Variants in IL3RA observed in about 807,000 individuals in gnomAD.
IL3RA encodes interleukin 3 receptor subunit alpha, also known as interleukin-3 receptor subunit alpha.
Under a neutral mutation model 52.3 loss-of-function variants are expected in IL3RA, and 73 were observed. The observed-to-expected ratio is 1.40, with a 90% CI of 1.16 to 1.70. The LOEUF is 1.70. Ranked by LOEUF, IL3RA falls within the 40% of genes most tolerant of loss-of-function variation. IL3RA has a pLI of 0.00. For synonymous variants in IL3RA, 260 were observed against 194.0 expected (o/e 1.34, Z -2.83); for missense variants, 664 against 504.4 (o/e 1.32, Z -3.03).
intron 8 of IL3RA, among the ~76,000 whole-genome samples, chrX:1,361,695 G>T (rs1158997443): frequency 1.4e-5 from 2 of 146,748 alleles, no homozygotes; most frequent in Non-Finnish European, 3.0e-5. Context: ...AGAGGTTGCA[G>T]TGAGTTGAGA....
intron 4 of IL3RA, among the ~76,000 whole-genome samples, chrX:1,350,672 T>C (rs9803556): frequency 0.75 from 88,878 of 118,958 alleles, 34,850 homozygotes; most frequent in Middle Eastern, 0.85. Flanking sequence ...GAGGCCGAGG[T>C]GGGTGGATCG....
At chrX:1,377,340 A>G (rs1163736943) in intron 9 of IL3RA, among the ~76,000 whole-genome samples, 1 of 151,814 alleles carries the variant, frequency 6.6e-6, no homozygotes, top group Non-Finnish European at 1.5e-5. Context: ...TCGCAGGTTC[A>G]GGCCATTCTC....
rs2148967761 is a variant in IL3RA at position 1,352,423 on chromosome X, A to G, written c.533A>G (p.Gln178Arg). ...ATCTCTCGACTCTCCAGCGGTTCTC[A>G]AAGTTCCCACATCCTGGTGCGGGGC... is the stretch of plus-strand genomic sequence containing the variant. Reference protein sequence around the residue: ...DDISRLSSGSQSSHILVRGRS... With the variant: ...DDISRLSSGSRSSHILVRGRS... Residue 178 changes from glutamine (Q) to arginine (R), a missense_variant, in exon 6 of 12, where the codon CAA becomes CGA. By Grantham distance (43) the Gln-to-Arg change is conservative. Coordinates refer to ENST00000331035, the MANE Select transcript of IL3RA (RefSeq NM_002183.4). 1 of 1,613,730 alleles carries G rather than the reference A, an allele frequency of 6.2e-7. No homozygotes were observed. The highest frequency in any genetic ancestry group is 8.5e-7 in the Non-Finnish European group (1 of 1,179,748).
intron 9 of IL3RA, among the ~76,000 whole-genome samples, chrX:1,367,494 C>G (rs867959317): frequency 3.1e-3 from 44 of 14,400 alleles, no homozygotes; most frequent in Admixed American, 5.1e-3. Flanking sequence ...CGGGGTGAGC[C>G]GGGTGCGCGG....
intron 9 of IL3RA, among the ~76,000 whole-genome samples, chrX:1,366,595 C>CGG (rs1556637590): frequency 5.2e-5 from 1 of 19,244 alleles, no homozygotes; most frequent in Non-Finnish European, 7.6e-5. Context: ...GCGGGGTGCG[C>CGG]GGTGCGCGGG....
intron 2 of IL3RA, among the ~76,000 whole-genome samples, chrX:1,344,702 G>C (rs1431232239): frequency 1.3e-5 from 2 of 151,670 alleles, no homozygotes; most frequent in Non-Finnish European, 2.9e-5. Context: ...GAACCCGGGA[G>C]GTAGAGGTTG....
chrX:1,348,913 T>C (rs2085947807), intron 4 of IL3RA, among the ~76,000 whole-genome samples: 2 of 139,708 alleles, frequency 1.4e-5, no homozygotes, highest in Admixed American at 7.4e-5. Context: ...CTCACTCCCT[T>C]CCTTCCTTCT....
At chrX:1,381,632 A>T (rs1385073246) in intron 11 of IL3RA, among the ~76,000 whole-genome samples, 1 of 148,372 alleles carries the variant, frequency 6.7e-6, no homozygotes, top group Non-Finnish European at 1.5e-5. Flanking sequence ...CCACCTTCCC[A>T]GTCCAAGGTT....
chrX:1,352,121 C>A lies in IL3RA; in HGVS notation c.320C>A (p.Ala107Glu), dbSNP rs200007566. 7 of 1,613,776 alleles carry A rather than the reference C, an allele frequency of 4.3e-6. No homozygotes were observed. The highest frequency in any genetic ancestry group is 3.4e-6 in the Non-Finnish European group (4 of 1,179,798). ...PENSGKPWAG[A>E]ENLTCWIHDV... Reference sequence around the variant, plus strand: ...CCAGGTGGGAAGCCTTGGGCAGGTGCGGAGAATCTGACCTGCTGGATTCAT... The same window carrying A: ...CCAGGTGGGAAGCCTTGGGCAGGTGAGGAGAATCTGACCTGCTGGATTCAT... Residue 107 changes from alanine (A) to glutamate (E), a missense_variant, in exon 5 of 12, where the codon GCG becomes GAG. By Grantham distance (107) the Ala-to-Glu change is moderately radical (BLOSUM62 -1). Transcript: ENST00000331035.
At chrX:1,354,620 AAATG>A (rs2086488870) in intron 6 of IL3RA, among the ~76,000 whole-genome samples, 1 of 69,672 alleles carries the variant, frequency 1.4e-5, no homozygotes, top group African/African-American at 6.0e-5. Flanking sequence ...GAGGAAGAGA[AAATG>A]GAGAAAGAGG....
rs112762796 is a variant in IL3RA at position 1,351,984 on chromosome X, C to G, written c.299-116C>G. 3.7e-5 allele frequency: 48 copies of G among 1,311,918 alleles called. No homozygotes were observed. The South Asian group carries it at 6.2e-4, about 17-fold the overall frequency. 81.3% of individuals were successfully genotyped at this position (1,311,918 alleles called of 1,614,324 possible). A position where few individuals can be genotyped will look rare whatever the true frequency, so the allele number is the denominator to read the frequency against. On this transcript the variant is annotated intron_variant, in intron 4 of 11. Transcript: ENST00000331035. ...TTCTCCATGTTGGCCAGGCTGGTCT[C>G]GAACTCCTGACCTCATGTGATCCAC...
chrX:1,348,651 TTTC>T, intron 4 of IL3RA, 106 bp downstream of exon 4: 1 of 375,714 alleles, frequency 2.7e-6, no homozygotes, highest in African/African-American at 7.2e-5. Context: ...TTTCTCTTTC[TTTC>T]TTTCTTTCTT....
chrX:1,345,343 G>T lies in IL3RA; in HGVS notation c.92G>T (p.Arg31Met). The T allele has an allele frequency of 6.2e-7, 1 of 1,611,092 alleles. No individual in the cohort carries two copies. The highest frequency in any genetic ancestry group is 8.5e-7 in the Non-Finnish European group (1 of 1,178,326). The change falls in exon 3 of 12, where the codon AGG becomes ATG. Residue 31 changes from arginine (R) to methionine (M), a missense_variant. Coordinates refer to ENST00000331035, the MANE Select transcript of IL3RA (RefSeq NM_002183.4). ...EDPNPPITNL[R>M]MKAKAQQLTW... ...CCAAACCCACCAATCACGAACCTAA[G>T]GATGAAAGCAAAGGCTCAGCAGTTG...
chrX:1,368,250 C>G (rs1357110456), intron 9 of IL3RA, among the ~76,000 whole-genome samples: 1 of 151,762 alleles, frequency 6.6e-6, no homozygotes, highest in Admixed American at 6.6e-5. Flanking sequence ...GCGACAAGAG[C>G]GAGACTCCAT....
intron 8 of IL3RA, among the ~76,000 whole-genome samples, chrX:1,360,666 T>C (rs1419749749): frequency 6.6e-6 from 1 of 150,450 alleles, no homozygotes; most frequent in African/African-American, 2.5e-5. Flanking sequence ...TTACAGGCAC[T>C]CGCCACCATG....
In IL3RA at chrX:1,352,334, G is replaced by T. The variant is rs1184336128; in HGVS notation, c.444G>T (p.Gln148His). 8 of 1,613,864 alleles carry T rather than the reference G, an allele frequency of 5.0e-6. No individual in the cohort carries two copies. The highest frequency in any genetic ancestry group is 6.8e-6 in the Non-Finnish European group (8 of 1,179,844). ...LYLNVANRRQQYECLHYKTDA... is the reference protein window; with the variant it reads ...LYLNVANRRQHYECLHYKTDA... ...CCGCTTACCGCAGCAGGCGTCAACA[G>T]TACGAGTGTCTTCACTACAAAACGG... The change falls in exon 6 of 12, where the codon CAG becomes CAT. Residue 148 changes from glutamine to histidine, a missense_variant. Transcript: ENST00000331035.
chrX:1,379,589 G>A (rs750848965), intron 10 of IL3RA, among the ~76,000 whole-genome samples: 3 of 152,334 alleles, frequency 2.0e-5, no homozygotes, highest in East Asian at 1.9e-4. Context: ...AAGCAGGGCC[G>A]GTCCTCCCCT....
At chrX:1,344,653 A>C (rs1442940360) in intron 2 of IL3RA, among the ~76,000 whole-genome samples, 1 of 149,172 alleles carries the variant, frequency 6.7e-6, no homozygotes, top group Non-Finnish European at 1.5e-5. Context: ...GGCTCCTGTA[A>C]TCCTAGCTAC....
chrX:1,350,063 T>G (rs2086014513), intron 4 of IL3RA, among the ~76,000 whole-genome samples: 1 of 152,206 alleles, frequency 6.6e-6, no homozygotes, highest in African/African-American at 2.4e-5. Flanking sequence ...TACAACTGTC[T>G]TGAAATGGCA....
Sources: gnomAD v4.1 joint callset for allele counts (sites outside exome capture counted in the v4.1 genomes callset) on GRCh38, gnomAD v4.1.1 for gene constraint, MANE v1.5 for transcripts, NCBI Gene and HGNC (gene_info 2026-07-23, HGNC 2026-07-21) for gene names.